The following PHACTR3 variants were observed in gnomAD, a reference collection of about 807,000 sequenced individuals.
PHACTR3 encodes phosphatase and actin regulator 3, also known as protein phosphatase 1, regulatory subunit 123.
In PHACTR3, 16 loss-of-function variants were observed where a neutral mutation model predicts 66.8. That is an observed-to-expected ratio of 0.24 (90% CI 0.16 to 0.36). PHACTR3 has a LOEUF of 0.36. PHACTR3 is among the 10% of genes least tolerant of loss of function. The probability of loss-of-function intolerance (pLI) is 1.00; values close to 1 mark genes in which losing one functional copy is unlikely to be tolerated. For synonymous variants in PHACTR3, 323 were observed against 292.1 expected, an observed-to-expected ratio of 1.11 and a Z score of -1.08; for missense variants, 647 against 719.9, an observed-to-expected ratio of 0.90 and a Z score of 1.16.
chr20:59,638,395 G>A (rs1210188144), intron 1 of PHACTR3, among the ~76,000 whole-genome samples: 1 of 151,378 alleles, frequency 6.6e-6, no homozygotes, highest in Non-Finnish European at 1.5e-5. Flanking sequence ...TGGATGGATG[G>A]ATGGGCAGGT....
In PHACTR3 at chr20:59,690,236, G is replaced by A. The variant is rs147167249; in HGVS notation, c.119-52871G>A. Reference sequence around the variant, plus strand: ...TGCTAGAACTCTAACCCACACCACCGCCTACCATGCACAAACACAGATGTT... The same window carrying A: ...TGCTAGAACTCTAACCCACACCACCACCTACCATGCACAAACACAGATGTT... On this transcript the variant is annotated intron_variant, in intron 1 of 12. Transcript: ENST00000371015. Among the ~76,000 whole-genome samples, 586 of 152,242 alleles carry A rather than the reference G, an allele frequency of 3.8e-3. 5 individuals are homozygous for A. Among genetic ancestry groups the A allele is most frequent in the African/African-American group, 0.013 (532 of 41,550 alleles).
At chr20:59,770,968 T>C (rs189834687) in intron 5 of PHACTR3, among the ~76,000 whole-genome samples, 5 of 152,214 alleles carry the variant, frequency 3.3e-5, no homozygotes, top group African/African-American at 4.8e-5. Flanking sequence ...CCTGGCAGCC[T>C]GCCCCTGAGG....
chr20:59,847,570 T>C lies in PHACTR3; in HGVS notation c.*440T>C, dbSNP rs2059174302. The C allele has an allele frequency of 6.4e-6, 1 of 155,688 alleles. No homozygotes were observed. The highest frequency in any genetic ancestry group is 1.4e-5 in the Non-Finnish European group (1 of 70,182). 9.6% of individuals were successfully genotyped at this position (155,688 alleles called of 1,614,324 possible). On this transcript the variant is annotated 3_prime_UTR_variant, in exon 13 of 13. Transcript: ENST00000371015. Reference sequence around the variant, plus strand: ...TGATCATAATTAATTTGAAAACTCTTTAAGTTCATGTTATACAAGATGATT... The same window carrying C: ...TGATCATAATTAATTTGAAAACTCTCTAAGTTCATGTTATACAAGATGATT...
chr20:59,633,182 C>A (rs1261295379), intron 1 of PHACTR3, among the ~76,000 whole-genome samples: 1 of 152,272 alleles, frequency 6.6e-6, no homozygotes, highest in Admixed American at 6.5e-5. Flanking sequence ...ATAAATCATT[C>A]TATAAAGACA....
chr20:59,724,685 C>T (rs1396580186), intron 1 of PHACTR3, among the ~76,000 whole-genome samples: 3 of 152,142 alleles, frequency 2.0e-5, no homozygotes, highest in Admixed American at 1.3e-4. Context: ...GTTAGCTGAT[C>T]GTTTTCACCT....
intron 7 of PHACTR3, among the ~76,000 whole-genome samples, chr20:59,776,343 G>A (rs532656315): frequency 7.2e-5 from 11 of 152,334 alleles, no homozygotes; most frequent in South Asian, 4.1e-4. Context: ...CATGCAGCTC[G>A]TTGGTGCCAG....
intron 1 of PHACTR3, among the ~76,000 whole-genome samples, chr20:59,624,343 G>T (rs1205809544): frequency 2.6e-5 from 4 of 152,132 alleles, no homozygotes; most frequent in Non-Finnish European, 5.9e-5. Context: ...TCTAGAGCAG[G>T]AGTCTCAAGC....
At chr20:59,723,903 G>A (rs566651222) in intron 1 of PHACTR3, among the ~76,000 whole-genome samples, 1 of 152,058 alleles carries the variant, frequency 6.6e-6, no homozygotes, top group African/African-American at 2.4e-5. Context: ...TAGAATCACT[G>A]TATGGTGACT....
At chr20:59,680,046 C>T (rs11696365) in intron 1 of PHACTR3, among the ~76,000 whole-genome samples, 4,235 of 152,152 alleles carry the variant, frequency 0.028, 79 homozygotes, top group Middle Eastern at 0.065. Flanking sequence ...TTCTCTTTCA[C>T]TCCCTCCTCC....
chr20:59,772,580 G>C (rs958728266), intron 5 of PHACTR3, among the ~76,000 whole-genome samples: 1 of 152,210 alleles, frequency 6.6e-6, no homozygotes, highest in Non-Finnish European at 1.5e-5. Context: ...CAAAGACTCA[G>C]GTTGGACGGA....
intron 8 of PHACTR3, among the ~76,000 whole-genome samples, chr20:59,822,349 G>A (rs2145426731): frequency 7.3e-6 from 1 of 136,948 alleles, no homozygotes; most frequent in Non-Finnish European, 1.5e-5. Flanking sequence ...GCCACTCTCC[G>A]CACTGGGCCT....
intron 1 of PHACTR3, among the ~76,000 whole-genome samples, chr20:59,599,154 T>C (rs1417715406): frequency 1.3e-5 from 2 of 152,206 alleles, no homozygotes; most frequent in South Asian, 2.1e-4. Flanking sequence ...AGCTTGGCCG[T>C]GGGGAGGCTG....
chr20:59,836,671 C>A, intron 9 of PHACTR3, 111 bp downstream of exon 9: 3 of 1,060,026 alleles, frequency 2.8e-6, no homozygotes, highest in Admixed American at 2.8e-5. Flanking sequence ...ATGCTCCATG[C>A]TCCCAGTAAA....
At chr20:59,765,523 G>T (rs1423258340) in intron 4 of PHACTR3, among the ~76,000 whole-genome samples, 1 of 152,160 alleles carries the variant, frequency 6.6e-6, no homozygotes, top group Non-Finnish European at 1.5e-5. Context: ...AGGAGGGCTG[G>T]CCTTTCTGAG....
At chr20:59,825,197 A>G (rs755033545) in intron 8 of PHACTR3, among the ~76,000 whole-genome samples, 4 of 152,228 alleles carry the variant, frequency 2.6e-5, no homozygotes, top group Non-Finnish European at 5.9e-5. Flanking sequence ...GTTGGCACAC[A>G]TACTGCCTTT....
chr20:59,756,523 G>A (rs117159225), intron 4 of PHACTR3, among the ~76,000 whole-genome samples: 3,405 of 152,244 alleles, frequency 0.022, 58 homozygotes, highest in Non-Finnish European at 0.035. Flanking sequence ...AGCCCTCTTC[G>A]GGGGTGGCCG....
intron 1 of PHACTR3, among the ~76,000 whole-genome samples, chr20:59,666,014 A>G (rs2035974485): frequency 6.6e-6 from 1 of 152,056 alleles, no homozygotes; most frequent in African/African-American, 2.4e-5. Context: ...GAGACCAGAG[A>G]GGACTGGGGC....
At chr20:59,743,597 G>A (rs2039255577) in intron 2 of PHACTR3, among the ~76,000 whole-genome samples, 7 of 152,212 alleles carry the variant, frequency 4.6e-5, no homozygotes, top group Admixed American at 4.6e-4. Context: ...CCGAGACACT[G>A]GCTTTGGAGC....
chr20:59,767,030 A>G (rs951436431), intron 4 of PHACTR3, among the ~76,000 whole-genome samples, 156 bp from the exon 5 acceptor site: 2 of 152,184 alleles, frequency 1.3e-5, no homozygotes, highest in African/African-American at 4.8e-5. Context: ...GGTTCTATTG[A>G]GAGTTGAACT....
Sources: allele counts gnomAD v4.1 joint callset (sites outside exome capture counted in the v4.1 genomes callset), GRCh38; gene constraint gnomAD v4.1.1; transcripts MANE v1.5; gene names NCBI Gene and HGNC (gene_info 2026-07-23, HGNC 2026-07-21).